Variants in PRH1 observed in about 807,000 individuals in gnomAD.
PRH1 encodes the protein salivary acidic proline-rich phosphoprotein 1/2.
In PRH1, 7 loss-of-function variants were observed where a neutral mutation model predicts 7.9. That is an observed-to-expected ratio of 0.89 (90% CI 0.50 to 1.67). The LOEUF is 1.67. Among genes scored for constraint, PRH1 ranks in the 40% most tolerant of loss-of-function variants. The pLI, the probability that PRH1 is intolerant of heterozygous loss-of-function variation, is 0.00. For synonymous variants in PRH1, 45 were observed against 80.8 expected, an observed-to-expected ratio of 0.56 and a Z score of 2.38; for missense variants, 109 against 223.6, an observed-to-expected ratio of 0.49 and a Z score of 3.27.
chr12:11,140,483 T>C (rs1040101354), intron 1 of PRH1, among the ~76,000 whole-genome samples: 4 of 152,182 alleles, frequency 2.6e-5, no homozygotes, highest in Admixed American at 1.3e-4. Context: ...GATTCCTGAA[T>C]GTGCAGTAAT....
At chr12:11,123,226 C>T (rs1945974082) in intron 1 of PRH1, among the ~76,000 whole-genome samples, 1 of 152,230 alleles carries the variant, frequency 6.6e-6, no homozygotes, top group Non-Finnish European at 1.5e-5. Flanking sequence ...ATTATTTATC[C>T]ATCTTTATTT....
At position 11,106,130 on chromosome 12, in the gene PRH1, C is replaced by T. The variant is rs1437489133; in HGVS notation, n.124-58942G>A. On this transcript the variant is annotated intron_variant and non_coding_transcript_variant, in intron 1 of 4. Coordinates refer to the PRH1 transcript ENST00000541977. ...TAATTTTTTGTATTTTTAGTAGAGA[C>T]GGGGTTTCACCGTGTTAGCCAGGAT... 4.5e-5 allele frequency among the ~76,000 whole-genome samples: 3 copies of T among 66,632 alleles called. 1 individual carries two copies. The highest frequency in any genetic ancestry group is 1.2e-4 in the Non-Finnish European group (3 of 25,684). The allele number at this position is 66,632 out of a possible 152,430, so 43.7% of individuals were successfully genotyped here. A position where few individuals can be genotyped will look rare whatever the true frequency, so the allele number is the denominator to read the frequency against.
chr12:11,034,945 G>A (rs1228054524), intron 1 of PRH1: 1 of 152,162 alleles, frequency 6.6e-6, no homozygotes, highest in Non-Finnish European at 1.5e-5. Flanking sequence ...CTGAAAAGAT[G>A]TATTTTAAGT....
intron 1 of PRH1, among the ~76,000 whole-genome samples, chr12:10,987,431 T>C (rs1050162936): frequency 6.6e-6 from 1 of 152,066 alleles, no homozygotes; most frequent in Non-Finnish European, 1.5e-5. Context: ...CATCCAAGGT[T>C]TTCTTGGGAA....
chr12:10,939,129 T>C (rs1405184046), intron 2 of PRH1: 7 of 1,602,482 alleles, frequency 4.4e-6, no homozygotes, highest in East Asian at 4.5e-5. Context: ...ACCAGTGCTA[T>C]GAAACTATTT....
intron 1 of PRH1, among the ~76,000 whole-genome samples, chr12:11,136,468 A>C (rs1946557606): frequency 6.6e-6 from 1 of 152,190 alleles, no homozygotes; most frequent in Non-Finnish European, 1.5e-5. Context: ...ATTCCTCTGT[A>C]TATATACCTT....
At chr12:11,145,078 G>T (rs769091209) in intron 1 of PRH1, among the ~76,000 whole-genome samples, 5 of 152,188 alleles carry the variant, frequency 3.3e-5, no homozygotes, top group Non-Finnish European at 5.9e-5. Context: ...GGTCTGTCTA[G>T]AGCTGCAATC....
intron 1 of PRH1, among the ~76,000 whole-genome samples, chr12:11,029,665 C>G (rs1942089075): frequency 7.7e-6 from 1 of 129,482 alleles, no homozygotes; most frequent in African/African-American, 2.7e-5. Context: ...CAATCCAGAT[C>G]ATGATCATGA....
chr12:11,075,175 A>C (rs1277999015), intron 1 of PRH1, among the ~76,000 whole-genome samples: 3 of 123,706 alleles, frequency 2.4e-5, no homozygotes, highest in Non-Finnish European at 3.8e-5. Context: ...GGCAATTAAA[A>C]CATTCATTTA....
intron 1 of PRH1, among the ~76,000 whole-genome samples, chr12:11,066,006 A>G (rs139143317): frequency 6.6e-6 from 1 of 152,340 alleles, no homozygotes; most frequent in East Asian, 1.9e-4. Context: ...CCACCTTTCT[A>G]TTCCATGATT....
chr12:11,118,385 A>T (rs1043776447), downstream of PRH1, among the ~76,000 whole-genome samples: 1 of 152,232 alleles, frequency 6.6e-6, no homozygotes, highest in Non-Finnish European at 1.5e-5. Flanking sequence ...ATCTCATCCC[A>T]GTTAAAACAG....
At chr12:11,132,148 A>C (rs1245543056) in intron 1 of PRH1, among the ~76,000 whole-genome samples, 2 of 152,370 alleles carry the variant, frequency 1.3e-5, no homozygotes, top group South Asian at 2.1e-4. Context: ...AAGACTGTAC[A>C]TTTCCTTCTT....
At chr12:11,117,515 A>T (rs980927669), downstream of PRH1, among the ~76,000 whole-genome samples, 2 of 152,182 alleles carry the variant, frequency 1.3e-5, no homozygotes, top group African/African-American at 4.8e-5. Context: ...ATTCAATGCA[A>T]TTCCTATCAA....
intron 2 of PRH1, among the ~76,000 whole-genome samples, chr12:10,921,845 T>C (rs1405952905): frequency 6.6e-6 from 1 of 152,176 alleles, no homozygotes; most frequent in African/African-American, 2.4e-5. Flanking sequence ...TGGCTCACTG[T>C]AGTTTTGACC....
chr12:11,061,740 TAA>T (rs769037455), intron 1 of PRH1: 1 of 1,613,980 alleles, frequency 6.2e-7, no homozygotes, highest in Non-Finnish European at 8.5e-7. Context: ...TGAAGGGAAC[TAA>T]GTTTGCTAGG....
intron 2 of PRH1, among the ~76,000 whole-genome samples, chr12:10,911,678 T>G (rs1949901921): frequency 6.6e-6 from 1 of 152,250 alleles, no homozygotes; most frequent in African/African-American, 2.4e-5. Flanking sequence ...AATTTGGTAT[T>G]AAGATTTAGC....
At chr12:11,085,726 A>T (rs35911096) in intron 1 of PRH1, among the ~76,000 whole-genome samples, 59,129 of 114,348 alleles carry the variant, frequency 0.52, 25,330 homozygotes, top group East Asian at 0.95. Flanking sequence ...GTTGAAGTGA[A>T]ACCTGAATTC....
chr12:11,108,267 G>A (rs1451379103), intron 1 of PRH1, among the ~76,000 whole-genome samples: 1 of 152,112 alleles, frequency 6.6e-6, no homozygotes, highest in African/African-American at 2.4e-5. Flanking sequence ...ATAGTAAGGA[G>A]ACAGAAAACA....
intron 1 of PRH1, among the ~76,000 whole-genome samples, chr12:11,016,583 T>C (rs1417376875): frequency 6.6e-6 from 1 of 152,172 alleles, no homozygotes; most frequent in Admixed American, 6.5e-5. Flanking sequence ...TCAAGAGATA[T>C]TCCCACCTCC....
Sources: gnomAD v4.1 joint callset for allele counts (sites outside exome capture counted in the v4.1 genomes callset) on GRCh38, gnomAD v4.1.1 for gene constraint, MANE v1.5 for transcripts, NCBI Gene and HGNC (gene_info 2026-07-23, HGNC 2026-07-21) for gene names.